Variants in ALDH18A1 observed in about 807,000 individuals in gnomAD.
The protein encoded by ALDH18A1 is aldehyde dehydrogenase 18 family member A1.
A neutral mutation model predicts 88.8 loss-of-function variants in ALDH18A1; 44 were observed. The ratio of observed to expected loss-of-function variants is 0.50; its 90% CI spans 0.39 to 0.64. The LOEUF (loss-of-function observed/expected upper bound fraction) is 0.64, where lower values mean the gene tolerates loss of function less well. Ranked by LOEUF, ALDH18A1 falls within the 30% of genes least tolerant of loss-of-function variation. The pLI, the probability that ALDH18A1 is intolerant of heterozygous loss-of-function variation, is 0.00. For synonymous variants in ALDH18A1, 331 were observed against 372.1 expected, an observed-to-expected ratio of 0.89 and a Z score of 1.27; for missense variants, 782 against 1,009.5, an observed-to-expected ratio of 0.77 and a Z score of 3.05.
rs143330350 is a variant in ALDH18A1, at chr10:95,643,075, C to T, written c.220G>A (p.Val74Met). 2.5e-6 allele frequency: 4 copies of T among 1,614,160 alleles called. No individual in the cohort carries two copies. Among genetic ancestry groups the T allele is most frequent in the African/African-American group, 1.3e-5 (1 of 75,058 alleles). ...RSELKHAKRIVVKLGSAVVTR... is the reference protein window; with the variant it reads ...RSELKHAKRIMVKLGSAVVTR... ...ACCACGGCACTGCCGAGCTTCACCA[C>T]GATTCTCTTGGCATGCTTCAGCTCA... The change falls in exon 3 of 18, where the codon GTG becomes ATG. Residue 74 changes from valine to methionine, a missense_variant. By Grantham distance (21) the Val-to-Met change is conservative. Transcript: ENST00000371224.
rs547269098 is a variant in ALDH18A1 at position 95,636,517 on chromosome 10, G to A, written c.558+576C>T. ...GCCACCAAAAATTCGTAAGTCCCAT[G>A]AGGACTGGAATCATGTCTGATTTGT... is the stretch of plus-strand genomic sequence containing the variant. On this transcript the variant is annotated intron_variant, in intron 5 of 17. Transcript: ENST00000371224. Among the ~76,000 whole-genome samples the A allele has an allele frequency of 3.9e-5, 6 of 152,304 alleles. No homozygotes were observed. The East Asian group carries it at 1.2e-3, about 29-fold the overall frequency.
chr10:95,618,602 C>T (rs186705441), intron 12 of ALDH18A1, among the ~76,000 whole-genome samples: 1 of 152,352 alleles, frequency 6.6e-6, no homozygotes, highest in East Asian at 1.9e-4. Flanking sequence ...GTGTCAGCCA[C>T]TGTGCCTGGC....
chr10:95,637,967 A>AAACAACAACAAC (rs140422812), intron 3 of ALDH18A1, among the ~76,000 whole-genome samples: 3 of 150,192 alleles, frequency 2.0e-5, no homozygotes, highest in Non-Finnish European at 4.4e-5. Context: ...GCTGTCTCAA[A>AAACAACAACAAC]AACAACAACA....
At chr10:95,615,583 G>A (rs1566000963) in intron 13 of ALDH18A1, among the ~76,000 whole-genome samples, 1 of 152,178 alleles carries the variant, frequency 6.6e-6, no homozygotes, top group East Asian at 1.9e-4. Flanking sequence ...AAGGAGGGAG[G>A]GCACCTGTGT....
intron 2 of ALDH18A1, among the ~76,000 whole-genome samples, chr10:95,645,799 C>T (rs1435191041): frequency 6.6e-6 from 1 of 151,968 alleles, no homozygotes; most frequent in African/African-American, 2.4e-5. Context: ...TCCACAGGTG[C>T]ACGGTCTCTT....
intron 11 of ALDH18A1, among the ~76,000 whole-genome samples, chr10:95,623,229 C>A (rs1041399105): frequency 2.0e-5 from 3 of 152,228 alleles, no homozygotes; most frequent in Non-Finnish European, 4.4e-5. Context: ...CCTCACAATG[C>A]GAGTATATTT....
intron 1 of ALDH18A1, among the ~76,000 whole-genome samples, chr10:95,654,545 C>A (rs2097915044): frequency 6.6e-6 from 1 of 151,824 alleles, no homozygotes. Flanking sequence ...TGGATATATC[C>A]CAGCCCTCTT....
Position 95,616,508 on chromosome 10 carries a change from G to A in ALDH18A1, c.1574C>T (p.Ser525Leu), listed in dbSNP as rs2097844483. The A allele has an allele frequency of 6.4e-7, 1 of 1,574,032 alleles. No individual in the cohort carries two copies. Among genetic ancestry groups the A allele is most frequent in the Non-Finnish European group, 8.6e-7 (1 of 1,158,676 alleles). Residue 525 changes from serine (S) to leucine (L), a missense_variant, in exon 13 of 18, where the codon TCA becomes TTA. Around this residue, in one of 3 missense-constraint regions of ALDH18A1, gnomAD observed 556 missense variants for 654.5 expected, o/e 0.85. Transcript: ENST00000371224. ...CACGGCCTCCTTGACTCCATGGATTGAGAGAGCCTCCTGGGTCAGGAGGTG... is the reference window on the plus strand; with the variant it reads ...CACGGCCTCCTTGACTCCATGGATTAAGAGAGCCTCCTGGGTCAGGAGGTG... Reference protein sequence around the residue: ...ILHLLTQEALSIHGVKEAVQL... With the variant: ...ILHLLTQEALLIHGVKEAVQL...
Position 95,638,115 on chromosome 10 carries a change from G to A in ALDH18A1, c.304-679C>T, listed in dbSNP as rs1279751002. On this transcript the variant is annotated intron_variant, in intron 3 of 17. Transcript: ENST00000371224. ...TGCAGCCTTGGCTGCCTAGGCTCAA[G>A]TGATCCTCCTGCCTCAGCCTCACAA... Among the ~76,000 whole-genome samples the A allele has an allele frequency of 6.6e-5, 10 of 152,166 alleles. 1 individual carries two copies. The highest frequency in any genetic ancestry group is 1.3e-4 in the Non-Finnish European group (9 of 68,016).
chr10:95,609,767 C>CTCTTTTTTTTTTTT (rs1193875091), intron 17 of ALDH18A1, among the ~76,000 whole-genome samples: 2 of 30,698 alleles, frequency 6.5e-5, no homozygotes, highest in Non-Finnish European at 8.8e-5. Flanking sequence ...AAGTCTGTCT[C>CTCTTTTTTTTTTTT]TATTTTTTTT....
chr10:95,645,486 T>C lies in ALDH18A1; in HGVS notation c.89-2280A>G, dbSNP rs193092239. Among the ~76,000 whole-genome samples the C allele has an allele frequency of 1.2e-3, 179 of 152,254 alleles. 1 individual carries two copies. Among genetic ancestry groups the C allele is most frequent in the African/African-American group, 4.1e-3 (171 of 41,554 alleles). ...GCTAACTCACTCCCTAACCACAATC[T>C]ACTGATGGTGGGTAAAGCAGGCAGG... On this transcript the variant is annotated intron_variant, in intron 2 of 17. Coordinates refer to ENST00000371224, the MANE Select transcript of ALDH18A1 (RefSeq NM_002860.4).
chr10:95,610,111 G>T lies in ALDH18A1; in HGVS notation c.2206+86C>A, dbSNP rs1490895129. On this transcript the variant is annotated intron_variant, in intron 17 of 17. Transcript: ENST00000371224. ...TGACCAAGCATGTGACAGTCAAGGG[G>T]AGGTGTCTTTCCCACCTCAACATAC... The T allele has an allele frequency of 4.0e-6, 5 of 1,260,982 alleles. No homozygotes were observed. The East Asian group carries it at 9.6e-5, about 24-fold the overall frequency. The allele number at this position is 1,260,982 out of a possible 1,614,324, so 78.1% of individuals were successfully genotyped here. A position where few individuals can be genotyped will look rare whatever the true frequency, so the allele number is the denominator to read the frequency against.
At chr10:95,633,707 T>TATACAAA in intron 5 of ALDH18A1, 58 bp from the exon 6 acceptor site, 1 of 1,588,484 alleles carries the variant, frequency 6.3e-7, no homozygotes, top group Non-Finnish European at 8.6e-7. Context: ...AACTTCCCAG[T>TATACAAA]ATACAAAAGA....
At chr10:95,641,623 C>T (rs1368220145) in intron 3 of ALDH18A1, among the ~76,000 whole-genome samples, 4 of 151,750 alleles carry the variant, frequency 2.6e-5, no homozygotes, top group Non-Finnish European at 4.4e-5. Context: ...CAGCAATCCC[C>T]TTGTCTCAGC....
intron 17 of ALDH18A1, among the ~76,000 whole-genome samples, chr10:95,607,832 G>A (rs1273484883): frequency 1.3e-5 from 2 of 152,136 alleles, no homozygotes; most frequent in African/African-American, 4.8e-5. Flanking sequence ...GGAGCTGGCT[G>A]GAGAAAACCA....
At chr10:95,624,296 C>A (rs1022743496) in intron 11 of ALDH18A1, among the ~76,000 whole-genome samples, 22 of 150,542 alleles carry the variant, frequency 1.5e-4, no homozygotes, top group Non-Finnish European at 2.7e-4. Context: ...CTTCTGCCAA[C>A]AACAAGCTGT....
At chr10:95,639,961 G>A (rs1016053025) in intron 3 of ALDH18A1, among the ~76,000 whole-genome samples, 2 of 151,446 alleles carry the variant, frequency 1.3e-5, no homozygotes, top group African/African-American at 2.4e-5. Flanking sequence ...AAGTTGTGGT[G>A]TACATGTTCA....
intron 13 of ALDH18A1, among the ~76,000 whole-genome samples, chr10:95,614,519 G>A (rs1259158181): frequency 6.6e-6 from 1 of 152,194 alleles, no homozygotes; most frequent in Non-Finnish European, 1.5e-5. Flanking sequence ...GGGTATCTAT[G>A]GAGGTTAAAT....
Position 95,647,034 on chromosome 10 carries a change from G to A in ALDH18A1, c.89-3828C>T, listed in dbSNP as rs116186207. ...GCCTTCTCTGTTTATCTCCACAAGC[G>A]TTCTCATTTTGCCTTTCTTTTCTTT... On this transcript the variant is annotated intron_variant, in intron 2 of 17. Transcript: ENST00000371224. Among the ~76,000 whole-genome samples the A allele has an allele frequency of 2.9e-3, 443 of 152,068 alleles. 4 individuals carry two copies. Among genetic ancestry groups the A allele is most frequent in the African/African-American group, 0.01 (423 of 41,490 alleles).
Sources: allele counts gnomAD v4.1 joint callset (sites outside exome capture counted in the v4.1 genomes callset), GRCh38; gene constraint gnomAD v4.1.1; regional missense constraint gnomAD v4.1.1; transcripts MANE v1.5; gene names NCBI Gene and HGNC (gene_info 2026-07-23, HGNC 2026-07-21).